OR9K2: variants seen among roughly 807,000 people sequenced by gnomAD.
OR9K2 encodes olfactory receptor family 9 subfamily K member 2, also known as olfactory receptor 9K2.
Under a neutral mutation model 12.4 loss-of-function variants are expected in OR9K2, and 16 were observed. The observed-to-expected ratio is 1.29, with a 90% CI of 0.87 to 1.95. OR9K2 has a LOEUF of 1.95. Ranked by LOEUF, OR9K2 falls within the 30% of genes most tolerant of loss-of-function variation. OR9K2 has a pLI of 0.00. For synonymous variants in OR9K2, 133 were observed against 133.2 expected, an observed-to-expected ratio of 1.00 and a Z score of 0.01; for missense variants, 434 against 376.5, an observed-to-expected ratio of 1.15 and a Z score of -1.26.
chr12:55,130,639 C>T lies in OR9K2; in HGVS notation c.805C>T (p.Pro269Ser), dbSNP rs148051420. 112 of 1,613,854 alleles carry T rather than the reference C, an allele frequency of 6.9e-5. 1 individual carries two copies. The highest frequency in any genetic ancestry group is 2.6e-4 in the South Asian group (24 of 91,064). The change falls in exon 3 of 3, where the codon CCT (proline) becomes TCT (serine). Residue 269 changes from proline (P) to serine (S), a missense_variant. Pro to Ser is a moderately conservative substitution (Grantham distance 74). Coordinates refer to ENST00000641329, the MANE Select transcript of OR9K2 (RefSeq NM_001005243.2). ...TATGTATCTCACTCCTGACAGATTT[C>T]CTGAGCTGAGTAAAGTGGCATCCTT... ...FFMYLTPDRF[P>S]ELSKVASLCY...
chr12:55,129,683 A>G (rs1043105671), intron 2 of OR9K2, 143 bp from the exon 3 acceptor site: 11 of 913,282 alleles, frequency 1.2e-5, no homozygotes, highest in Non-Finnish European at 1.8e-5. Flanking sequence ...GCTTTAAGTC[A>G]CAGTATACTT....
intron 2 of OR9K2, among the ~76,000 whole-genome samples, chr12:55,127,773 T>C (rs1953439141): frequency 6.6e-6 from 1 of 152,106 alleles, no homozygotes; most frequent in Admixed American, 6.6e-5. Context: ...ATAGTGGGAC[T>C]GAGCACTGAA....
At chr12:55,127,729 T>A (rs1357622088) in intron 2 of OR9K2, among the ~76,000 whole-genome samples, 1 of 152,058 alleles carries the variant, frequency 6.6e-6, no homozygotes, top group Non-Finnish European at 1.5e-5. Flanking sequence ...TATATATTAT[T>A]GGTTTTCAAC....
intron 2 of OR9K2, 40 bp from the exon 3 acceptor site, chr12:55,129,786 A>G (rs776471876): frequency 1.3e-6 from 2 of 1,598,138 alleles, no homozygotes; most frequent in East Asian, 2.2e-5. Flanking sequence ...GATCCAAACC[A>G]AGAGTTCATT....
In OR9K2 at chr12:55,130,206, C is replaced by A. The variant is rs550947626; in HGVS notation, c.372C>A (p.Asp124Glu). Residue 124 changes from aspartate (D) to glutamate (E), a missense_variant, in exon 3 of 3, where the codon GAC becomes GAA. Asp to Glu is a conservative substitution (Grantham distance 45). Coordinates refer to ENST00000641329, the MANE Select transcript of OR9K2 (RefSeq NM_001005243.2). ...TTCTCCTGGCGGCCATGGCTTATGA[C>A]CGCTTTATTGCCATCTGCAACCCTC... ...EGFLLAAMAY[D>E]RFIAICNPLL... 83 of 1,614,126 alleles carry A rather than the reference C, an allele frequency of 5.1e-5. 1 individual carries two copies. In the Middle Eastern group the frequency reaches 4.6e-3, roughly 90 times the overall value.
rs1953482091 is a variant in OR9K2 at position 55,132,552 on chromosome 12, T to C, written c.*1776T>C. On this transcript the variant is annotated 3_prime_UTR_variant, in exon 3 of 3. Transcript: ENST00000641329. ...GAAAGAGGGCTCAGAGAAAACCAACTCTGCTGACACCTTGATCTTGGGCTT... is the reference window on the plus strand; with the variant it reads ...GAAAGAGGGCTCAGAGAAAACCAACCCTGCTGACACCTTGATCTTGGGCTT... 6.6e-6 allele frequency: 1 copy of C among 152,184 alleles called. No individual in the cohort carries two copies. The highest frequency in any genetic ancestry group is 1.5e-5 in the Non-Finnish European group (1 of 68,060). 9.4% of individuals were successfully genotyped at this position (152,184 alleles called of 1,614,324 possible).
At position 55,130,169 on chromosome 12, in the gene OR9K2, T is replaced by C. The variant is rs371739151; in HGVS notation, c.335T>C (p.Val112Ala). 6.2e-6 allele frequency: 10 copies of C among 1,614,128 alleles called. No homozygotes were observed. The highest frequency in any genetic ancestry group is 8.5e-6 in the Non-Finnish European group (10 of 1,180,018). ...CTCTTTCTCTTTGCCCTCCTCATTG[T>C]GACTGAGGGATTTCTCCTGGCGGCC... ...AQLFLFALLIVTEGFLLAAMA... is the reference protein window; with the variant it reads ...AQLFLFALLIATEGFLLAAMA... The change falls in exon 3 of 3, where the codon GTG becomes GCG. Residue 112 changes from valine (V) to alanine (A), a missense_variant. Val to Ala is a moderately conservative substitution (Grantham distance 64). Coordinates refer to ENST00000641329, the MANE Select transcript of OR9K2 (RefSeq NM_001005243.2).
At chr12:55,128,278 T>A (rs1953442605) in intron 2 of OR9K2, among the ~76,000 whole-genome samples, 1 of 151,634 alleles carries the variant, frequency 6.6e-6, no homozygotes, top group Admixed American at 6.6e-5. Context: ...TTGGATGAGA[T>A]GTTTTGACCC....
Position 55,130,104 on chromosome 12 carries a change from T to G in OR9K2, c.270T>G (p.Ser90=), listed in dbSNP as rs140917387. ...IEPKAMINFW[S]ENKSISFAGC... is the part of the protein sequence containing the mutation. ...CCAAGGCTATGATCAACTTCTGGTC[T>G]GAAAACAAGTCTATCTCCTTTGCAG... Residue 90 remains serine (S), a synonymous_variant, in exon 3 of 3, where the codon TCT becomes TCG. Transcript: ENST00000641329. The G allele has an allele frequency of 4.8e-4, 775 of 1,613,362 alleles. 1 individual carries two copies. The highest frequency in any genetic ancestry group is 6.1e-4 in the Non-Finnish European group (716 of 1,180,000).
In OR9K2 at chr12:55,131,305, G is replaced by T. The variant is rs1305412642; in HGVS notation, c.*529G>T. The T allele has an allele frequency of 6.6e-6, 1 of 152,356 alleles. No homozygotes were observed. Among genetic ancestry groups the T allele is most frequent in the Non-Finnish European group, 1.5e-5 (1 of 68,204 alleles). 9.4% of individuals were successfully genotyped at this position (152,356 alleles called of 1,614,324 possible). On this transcript the variant is annotated 3_prime_UTR_variant, in exon 3 of 3. Transcript: ENST00000641329. ...ACTAATAATAAGAAACAAACTATAA[G>T]TAATCTTTATACATTAATTTGGAAA... is the stretch of plus-strand genomic sequence containing the variant.
Position 55,130,725 on chromosome 12 carries a change from T to G in OR9K2, c.891T>G (p.Asp297Glu). The G allele has an allele frequency of 6.3e-7, 1 of 1,597,766 alleles. No individual in the cohort carries two copies. The highest frequency in any genetic ancestry group is 8.5e-7 in the Non-Finnish European group (1 of 1,171,934). The change falls in exon 3 of 3, where the codon GAT becomes GAG. Residue 297 changes from aspartate to glutamate, a missense_variant. Physicochemically the swap from Asp to Glu is conservative, Grantham distance 45. Transcript: ENST00000641329. ...TGATTTACTCTCTGAGGAACAAAGA[T>G]GTCCAAGAGGCTCTAAAAAAATTTC... ...NPLIYSLRNK[D>E]VQEALKKFLE...
intron 2 of OR9K2, among the ~76,000 whole-genome samples, chr12:55,128,440 A>G (rs952137918): frequency 6.6e-6 from 1 of 151,918 alleles, no homozygotes; most frequent in East Asian, 1.9e-4. Flanking sequence ...AAAAGCATGG[A>G]TTCTGGAGCC....
At position 55,130,474 on chromosome 12, in the gene OR9K2, A is replaced by G. The variant is rs1029473925; in HGVS notation, c.640A>G (p.Ile214Val). 1.2e-6 allele frequency: 2 copies of G among 1,613,148 alleles called. No individual in the cohort carries two copies. Among genetic ancestry groups the G allele is most frequent in the African/African-American group, 1.3e-5 (1 of 74,870 alleles). ...ATCATGTATTATTATCTTGCCTACT[A>G]TCATAGTCATTATAGTATCTTACAT... ...SLSCIIILPT[I>V]IVIIVSYMYI... Residue 214 changes from isoleucine to valine, a missense_variant, in exon 3 of 3, where the codon ATC becomes GTC. Ile to Val is a conservative substitution (Grantham distance 29). Coordinates refer to ENST00000641329, the MANE Select transcript of OR9K2 (RefSeq NM_001005243.2).
chr12:55,130,838 A>C lies in OR9K2; in HGVS notation c.*62A>C. The C allele has an allele frequency of 1.1e-6, 1 of 928,396 alleles. No individual in the cohort carries two copies. Among genetic ancestry groups the C allele is most frequent in the Non-Finnish European group, 1.6e-6 (1 of 621,092 alleles). The allele number at this position is 928,396 out of a possible 1,614,324, so 57.5% of individuals were successfully genotyped here. ...TTATTTAATACACCTGTGTTCATTA[A>C]TAAAAGTTACTCTCCCGAATGTCAT... On this transcript the variant is annotated 3_prime_UTR_variant, in exon 3 of 3. Coordinates refer to ENST00000641329, the MANE Select transcript of OR9K2 (RefSeq NM_001005243.2).
In OR9K2 at chr12:55,129,891, C is replaced by T. The variant is rs183433320; in HGVS notation, c.57C>T (p.Gly19=). 2.2e-5 allele frequency: 36 copies of T among 1,613,924 alleles called. No homozygotes were observed. The East Asian group carries it at 7.4e-4, about 33-fold the overall frequency. ...AAATGACTGACTTCATTCTTGCAGGCTTCAGGGTACGCCCAGAGCTCCACA... is the reference window on the plus strand; with the variant it reads ...AAATGACTGACTTCATTCTTGCAGGTTTCAGGGTACGCCCAGAGCTCCACA... The part of the protein sequence containing the change: ...HSEMTDFILA[G]FRVRPELHIL... Residue 19 remains glycine (G), a synonymous_variant, in exon 3 of 3, where the codon GGC becomes GGT. Coordinates refer to ENST00000641329, the MANE Select transcript of OR9K2 (RefSeq NM_001005243.2).
Position 55,130,399 on chromosome 12 carries a change from A to G in OR9K2, c.565A>G (p.Arg189Gly), listed in dbSNP as rs112782622. ...HFYCDSRPLQ[R>G]LSCSDLFIHR... ...TTACTGTGATTCTCGCCCACTTCAG[A>G]GACTGTCTTGTTCTGATCTCTTTAT... is the stretch of plus-strand genomic sequence containing the variant. The change falls in exon 3 of 3, where the codon AGA (arginine) becomes GGA (glycine). Residue 189 changes from arginine (R) to glycine (G), a missense_variant. Coordinates refer to ENST00000641329, the MANE Select transcript of OR9K2 (RefSeq NM_001005243.2). 6.2e-7 allele frequency: 1 copy of G among 1,613,916 alleles called. No homozygotes were observed. Among genetic ancestry groups the G allele is most frequent in the South Asian group, 1.1e-5 (1 of 91,078 alleles).
intron 2 of OR9K2, 62 bp from the exon 3 acceptor site, chr12:55,129,764 T>A: frequency 6.3e-7 from 1 of 1,591,206 alleles, no homozygotes; most frequent in South Asian, 1.1e-5. Flanking sequence ...AAGAGATTAT[T>A]TGTAATGCTA....
In OR9K2 at chr12:55,130,747, T is replaced by C; in HGVS notation, c.913T>C (p.Phe305Leu). 6.4e-7 allele frequency: 1 copy of C among 1,568,060 alleles called. No individual in the cohort carries two copies. Among genetic ancestry groups the C allele is most frequent in the Non-Finnish European group, 8.7e-7 (1 of 1,154,596 alleles). Residue 305 changes from phenylalanine (F) to leucine (L), a missense_variant, in exon 3 of 3, where the codon TTT (phenylalanine) becomes CTT (leucine). Coordinates refer to ENST00000641329, the MANE Select transcript of OR9K2 (RefSeq NM_001005243.2). The stretch of plus-strand genomic sequence containing the variant: ...AGATGTCCAAGAGGCTCTAAAAAAA[T>C]TTCTAGAGAAGAAAAATATTATTCT... ...NKDVQEALKKFLEKKNIIL is the reference protein window; with the variant it reads ...NKDVQEALKKLLEKKNIIL
rs373743159 is a variant in OR9K2, at chr12:55,126,856, T to G, written c.-65T>G. 4 of 152,168 alleles carry G rather than the reference T, an allele frequency of 2.6e-5. No homozygotes were observed. In the East Asian group the frequency reaches 5.8e-4, roughly 22 times the overall value. The allele number at this position is 152,168 out of a possible 1,614,324, so 9.4% of individuals were successfully genotyped here. The stretch of plus-strand genomic sequence containing the variant: ...TAAAACAATAAACAGAGGAAAACAT[T>G]GGAACTCTGCTGATTGATTTTTACC... On this transcript the variant is annotated 5_prime_UTR_variant, in exon 2 of 3. In the 5' UTR this introduces an upstream ATG that the reference lacks. Transcript: ENST00000641329.
Sources: gnomAD v4.1 joint callset for allele counts (sites outside exome capture counted in the v4.1 genomes callset) on GRCh38, gnomAD v4.1.1 for gene constraint, MANE v1.5 for transcripts, NCBI Gene and HGNC (gene_info 2026-07-23, HGNC 2026-07-21) for gene names.